EML1: variants seen among roughly 807,000 people sequenced by gnomAD.
The protein encoded by EML1 is echinoderm microtubule-associated protein-like 1.
In EML1, 27 loss-of-function variants were observed where a neutral mutation model predicts 110.4. The ratio of observed to expected loss-of-function variants is 0.24; its 90% CI spans 0.18 to 0.34. The LOEUF is 0.34. Among genes scored for constraint, EML1 ranks in the 10% least tolerant of loss-of-function variants. EML1 has a pLI of 1.00. For missense variants in EML1, 741 were observed against 1,030.9 expected (o/e 0.72, Z 3.85); for synonymous variants, 344 against 385.8 (o/e 0.89, Z 1.27).
intron 1 of EML1, among the ~76,000 whole-genome samples, chr14:99,821,049 A>G (rs1339737040): frequency 2.8e-5 from 4 of 144,284 alleles, no homozygotes; most frequent in Non-Finnish European, 6.0e-5. Flanking sequence ...TTTTGGAGAC[A>G]GTGTCTTGCT....
At chr14:99,934,527 A>G (rs1266783823) in intron 17 of EML1, among the ~76,000 whole-genome samples, 7 of 152,236 alleles carry the variant, frequency 4.6e-5, no homozygotes, top group South Asian at 2.1e-4. Context: ...GAGGGGAGAA[A>G]CAACCCTTAC....
intron 1 of EML1, among the ~76,000 whole-genome samples, chr14:99,802,670 G>A (rs935785154): frequency 8.5e-5 from 13 of 152,252 alleles, no homozygotes; most frequent in African/African-American, 3.1e-4. Context: ...CACGGGGGAG[G>A]TGGTTTGGGC....
In EML1 at chr14:99,827,598, G is replaced by T. The variant is rs949001607; in HGVS notation, c.68-23255G>T. On this transcript the variant is annotated intron_variant, in intron 1 of 21. Coordinates refer to ENST00000262233, the MANE Select transcript of EML1 (RefSeq NM_004434.3). The surrounding 1 kb of genome is among the most constrained non-coding windows in gnomAD (Gnocchi z 4.4). The stretch of plus-strand genomic sequence containing the variant: ...GTGATTAAGTTAAACGTGGCCGTTA[G>T]AGTGGGCCCTACTCCAGTCTGACTG... Among the ~76,000 whole-genome samples the T allele has an allele frequency of 1.3e-5, 2 of 151,960 alleles. No individual in the cohort carries two copies. The highest frequency in any genetic ancestry group is 4.8e-5 in the African/African-American group (2 of 41,376).
intron 3 of EML1, among the ~76,000 whole-genome samples, chr14:99,871,402 C>T (rs889178105): frequency 1.3e-5 from 2 of 151,932 alleles, no homozygotes; most frequent in African/African-American, 2.4e-5. Context: ...AATCCCAGCA[C>T]TTTGGGAAGT....
Position 99,939,768 on chromosome 14 carries a change from G to A in EML1, c.2323-219G>A, listed in dbSNP as rs1369403588. Among the ~76,000 whole-genome samples, 3 of 152,054 alleles carry A rather than the reference G, an allele frequency of 2.0e-5. No homozygotes were observed. Among genetic ancestry groups the A allele is most frequent in the African/African-American group, 7.2e-5 (3 of 41,392 alleles). Reference sequence around the variant, plus strand: ...CTGAGCATATCTCTCGGCTGAGGGCGGTCATTTGCTCGTGTCTGTCCCCTA... The same window carrying A: ...CTGAGCATATCTCTCGGCTGAGGGCAGTCATTTGCTCGTGTCTGTCCCCTA... On this transcript the variant is annotated intron_variant, in intron 21 of 21. Transcript: ENST00000262233. This position sits in a 1 kb window ranked among gnomAD's most constrained non-coding sequence, Gnocchi z 4.2.
chr14:99,753,370 G>T lies in EML1; in HGVS notation c.28+15510G>T, dbSNP rs1170866971. Among the ~76,000 whole-genome samples, 5 of 151,766 alleles carry T rather than the reference G, an allele frequency of 3.3e-5. No homozygotes were observed. The South Asian group carries it at 6.3e-4, about 19-fold the overall frequency. The stretch of plus-strand genomic sequence containing the variant: ...CTGGTAATGCTGGCCCTCCCTGGGG[G>T]GTCAAGCGGATCCCTGTGGGCCCCT... On this transcript the variant is annotated intron_variant, in intron 1 of 10. Transcript: ENST00000554479.
intron 1 of EML1, among the ~76,000 whole-genome samples, chr14:99,835,487 T>C (rs2058524660): frequency 6.6e-6 from 1 of 152,190 alleles, no homozygotes; most frequent in Non-Finnish European, 1.5e-5. Context: ...TATTGCTTCG[T>C]TTTTTTCTGC....
intron 1 of EML1, among the ~76,000 whole-genome samples, chr14:99,793,810 C>G (rs1286878452): frequency 6.7e-6 from 1 of 149,432 alleles, no homozygotes; most frequent in Non-Finnish European, 1.5e-5. Context: ...CCGGCTCCAG[C>G]ACCCGCGGAG....
Position 99,793,657 on chromosome 14 carries a change from G to T in EML1, c.67+114G>T, listed in dbSNP as rs1399967051. Reference sequence around the variant, plus strand: ...AGGCCCGGCGGCCGCGGGCGAGGCCGCGCAAAGTTGTTGCGGAGGGGCGCG... The same window carrying T: ...AGGCCCGGCGGCCGCGGGCGAGGCCTCGCAAAGTTGTTGCGGAGGGGCGCG... On this transcript the variant is annotated intron_variant, in intron 1 of 21. Coordinates refer to ENST00000262233, the MANE Select transcript of EML1 (RefSeq NM_004434.3). The T allele has an allele frequency of 4.9e-6, 4 of 821,516 alleles. No homozygotes were observed. In the African/African-American group the frequency reaches 5.6e-5, roughly 12 times the overall value. The allele number at this position is 821,516 out of a possible 1,614,324, so 50.9% of individuals were successfully genotyped here. A position where few individuals can be genotyped will look rare whatever the true frequency, so the allele number is the denominator to read the frequency against.
At chr14:99,871,732 C>T (rs889626763) in intron 3 of EML1, among the ~76,000 whole-genome samples, 1 of 152,144 alleles carries the variant, frequency 6.6e-6, no homozygotes, top group African/African-American at 2.4e-5. Flanking sequence ...CTACGATCTC[C>T]TGATAAAACT....
chr14:99,934,779 C>T (rs1398268397), intron 17 of EML1, among the ~76,000 whole-genome samples: 2 of 152,228 alleles, frequency 1.3e-5, no homozygotes, highest in Admixed American at 1.3e-4. Flanking sequence ...CCCGGACTCA[C>T]CTCCTGGCCG....
rs139178701 is a variant in EML1, at chr14:99,863,341, C to T, written c.251-2173C>T. ...TATGTTTGTCATACAATCTTCATTC[C>T]ATCATGGGGTTTCCCTGTCTCCTAG... On this transcript the variant is annotated intron_variant, in intron 2 of 21. Transcript: ENST00000262233. Among the ~76,000 whole-genome samples, 6 of 152,256 alleles carry T rather than the reference C, an allele frequency of 3.9e-5. No individual in the cohort carries two copies. In the East Asian group the frequency reaches 1.2e-3, roughly 29 times the overall value.
At position 99,865,661 on chromosome 14, in the gene EML1, G is replaced by A. The variant is rs2059084450; in HGVS notation, c.383+15G>A. ...GCAACCAAAAGGTGAGCCAGAAGCA[G>A]GGCCTTAAATGAACTCTCAAAGCAG... On this transcript the variant is annotated intron_variant, in intron 3 of 21. Transcript: ENST00000262233. The A allele has an allele frequency of 6.2e-7, 1 of 1,613,240 alleles. No individual in the cohort carries two copies. Among genetic ancestry groups the A allele is most frequent in the South Asian group, 1.1e-5 (1 of 90,962 alleles).
At chr14:99,779,112 T>C (rs1469353141) in intron 1 of EML1, among the ~76,000 whole-genome samples, 1 of 152,218 alleles carries the variant, frequency 6.6e-6, no homozygotes, top group African/African-American at 2.4e-5. Flanking sequence ...ATTTCTTTGA[T>C]GATTTCCCTT....
chr14:99,742,673 T>C (rs1566844847), intron 1 of EML1, among the ~76,000 whole-genome samples: 1 of 152,202 alleles, frequency 6.6e-6, no homozygotes, highest in South Asian at 2.1e-4. Flanking sequence ...CTGGCAGTGT[T>C]TCAGGGCTCA....
At position 99,897,247 on chromosome 14, in the gene EML1, G is replaced by C. The variant is rs1156659165; in HGVS notation, c.780G>C (p.Glu260Asp). Residue 260 changes from glutamate (E) to aspartate (D), a missense_variant, in exon 7 of 22, where the codon GAG becomes GAC. Coordinates refer to ENST00000262233, the MANE Select transcript of EML1 (RefSeq NM_004434.3). Reference protein sequence around the residue: ...IASVVVLYNVEEQLQRHYAGH... With the variant: ...IASVVVLYNVDEQLQRHYAGH... ...CCGTGGTGGTGTTATACAACGTGGA[G>C]GAGCAACTGCAGAGGCATTACGCTG... is the stretch of plus-strand genomic sequence containing the variant. 1.9e-6 allele frequency: 3 copies of C among 1,612,918 alleles called. No individual in the cohort carries two copies. The highest frequency in any genetic ancestry group is 2.7e-5 in the African/African-American group (2 of 74,838).
intron 1 of EML1, among the ~76,000 whole-genome samples, chr14:99,802,499 T>C (rs533999152): frequency 6.7e-6 from 1 of 150,312 alleles, no homozygotes; most frequent in Non-Finnish European, 1.5e-5. Context: ...CTGGGCGGGG[T>C]GTTGGGAGCA....
intron 1 of EML1, among the ~76,000 whole-genome samples, chr14:99,811,082 C>T (rs1266815314): frequency 6.6e-6 from 1 of 152,150 alleles, no homozygotes; most frequent in Non-Finnish European, 1.5e-5. Flanking sequence ...ATGATGTTCA[C>T]CTCATACACG....
chr14:99,739,569 C>T (rs931950574), intron 1 of EML1, among the ~76,000 whole-genome samples: 1 of 152,160 alleles, frequency 6.6e-6, no homozygotes, highest in Non-Finnish European at 1.5e-5. Context: ...CAGGCTGGCT[C>T]TGTCTGCCCT....
Sources: allele counts gnomAD v4.1 joint callset (sites outside exome capture counted in the v4.1 genomes callset), GRCh38; gene constraint gnomAD v4.1.1; non-coding constraint Gnocchi (gnomAD v3.1); transcripts MANE v1.5; gene names NCBI Gene and HGNC (gene_info 2026-07-23, HGNC 2026-07-21).